Variants in PTCH1 observed in about 807,000 individuals in gnomAD.
PTCH1 encodes protein patched homolog 1.
Under a neutral mutation model 144.6 loss-of-function variants are expected in PTCH1, and 14 were observed. The observed-to-expected ratio is 0.10, with a 90% CI of 0.06 to 0.15. The LOEUF (loss-of-function observed/expected upper bound fraction) is 0.15, where lower values mean the gene tolerates loss of function less well. Ranked by LOEUF, PTCH1 falls within the 10% of genes least tolerant of loss-of-function variation. The pLI is 1.00. For missense variants in PTCH1, 1,623 were observed against 1,948.3 expected (o/e 0.83, Z 3.14); for synonymous variants, 833 against 793.6 (o/e 1.05, Z -0.83).
At position 95,476,953 on chromosome 9, in the gene PTCH1, C is replaced by A. The variant is rs1841092062; in HGVS notation, c.1504-96G>T. 3 of 1,168,830 alleles carry A rather than the reference C, an allele frequency of 2.6e-6. No individual in the cohort carries two copies. Among genetic ancestry groups the A allele is most frequent in the South Asian group, 1.3e-5 (1 of 76,822 alleles). The allele number at this position is 1,168,830 out of a possible 1,614,324, so 72.4% of individuals were successfully genotyped here. A position where few individuals can be genotyped will look rare whatever the true frequency, so the allele number is the denominator to read the frequency against. On this transcript the variant is annotated intron_variant, in intron 10 of 23. Coordinates refer to ENST00000331920, the MANE Select transcript of PTCH1 (RefSeq NM_000264.5). This position sits in a 1 kb window ranked among gnomAD's most constrained non-coding sequence, Gnocchi z 4.6. ...GGACTCTGCCACCAGCACCTAACAG[C>A]TCCTGAAGCAGGGCTTCCGTAACCT...
chr9:95,468,795 C>T lies in PTCH1; in HGVS notation c.2206G>A (p.Ala736Thr). Residue 736 changes from alanine (A) to threonine (T), a missense_variant, in exon 14 of 24, where the codon GCT (alanine) becomes ACT (threonine). Physicochemically the swap from Ala to Thr is moderately conservative, Grantham distance 58. Coordinates refer to ENST00000331920, the MANE Select transcript of PTCH1 (RefSeq NM_000264.5). ...AGGAAAGGAGCATAGTGCTTCTCAG[C>T]AAAAGATGAGAGTGTCCACTTCGTA... The part of the protein sequence containing the change: ...PCTKWTLSSF[A>T]EKHYAPFLLK... The T allele has an allele frequency of 6.2e-7, 1 of 1,614,154 alleles. No individual in the cohort carries two copies. The highest frequency in any genetic ancestry group is 1.6e-4 in the Middle Eastern group (1 of 6,062).
At chr9:95,507,823 G>A in intron 1 of PTCH1, 5 of 805,872 alleles carry the variant, frequency 6.2e-6, no homozygotes, top group South Asian at 1.9e-5. Flanking sequence ...GGGCAGGACA[G>A]TGCCGCGGCC....
intron 16 of PTCH1, chr9:95,460,086 C>T (rs1839333350): frequency 9.2e-6 from 4 of 434,070 alleles, no homozygotes; most frequent in South Asian, 4.2e-5. Context: ...AATGAACAAT[C>T]TGGAGAAACA....
intron 1 of PTCH1, 34 bp from the exon 2 acceptor site, chr9:95,506,633 G>C (rs780812754): frequency 3.7e-5 from 56 of 1,503,570 alleles, no homozygotes; most frequent in Non-Finnish European, 4.9e-5. Flanking sequence ...AGTGAGCGCC[G>C]GGGAGTCGCG....
intron 7 of PTCH1, 34 bp downstream of exon 7, chr9:95,479,935 A>G: frequency 4.3e-6 from 7 of 1,614,196 alleles, no homozygotes; most frequent in Non-Finnish European, 5.1e-6. Context: ...GAAGAAGACT[A>G]CAGGGCATAG....
At chr9:95,486,353 C>A (rs2282042) in intron 2 of PTCH1, among the ~76,000 whole-genome samples, 65,414 of 152,200 alleles carry the variant, frequency 0.43, 15,675 homozygotes, top group African/African-American at 0.65. Context: ...GAAAGGTGGC[C>A]AGTGTGTGTT....
chr9:95,507,271 C>T (rs868088302), intron 1 of PTCH1: 18 of 985,370 alleles, frequency 1.8e-5, no homozygotes, highest in South Asian at 9.4e-5. Flanking sequence ...ATGGATCTTT[C>T]CCTCCTCTCC....
chr9:95,516,593 T>C (rs966914783), exon 1 of PTCH1: 1 of 1,592,828 alleles, frequency 6.3e-7, no homozygotes, highest in African/African-American at 1.4e-5. Flanking sequence ...TCCTCCGTCT[T>C]CTCCCAGTCT....
At chr9:95,463,465 GTTATT>G (rs749921382) in intron 15 of PTCH1, among the ~76,000 whole-genome samples, 1 of 152,168 alleles carries the variant, frequency 6.6e-6, no homozygotes, top group African/African-American at 2.4e-5. Flanking sequence ...CTGAGCAGAT[GTTATT>G]TTATTACTGA....
Position 95,476,076 on chromosome 9 carries a change from G to A in PTCH1, c.1686C>T (p.Ala562=), listed in dbSNP as rs2066836. The change falls in exon 12 of 24, where the codon GCC becomes GCT. Residue 562 remains alanine (A), a synonymous_variant. Coordinates refer to ENST00000331920, the MANE Select transcript of PTCH1 (RefSeq NM_000264.5). This position sits in a 1 kb window ranked among gnomAD's most constrained non-coding sequence, Gnocchi z 4.6. ...GCAGAGCGGGAATTGGGATTAACGC[G>A]GCCATGAAGAAGGCTGTGACATTGC... is the stretch of plus-strand genomic sequence containing the variant. The part of the protein sequence containing the change: ...SISNVTAFFM[A]ALIPIPALRA... 314,190 of 1,613,506 alleles carry A rather than the reference G, an allele frequency of 0.19. 33,080 individuals carry two copies. The highest frequency in any genetic ancestry group is 0.21 in the Non-Finnish European group (253,448 of 1,179,668).
In PTCH1 at chr9:95,508,716, G is replaced by T; in HGVS notation, c.-355C>A. 2.0e-6 allele frequency: 2 copies of T among 986,532 alleles called. No homozygotes were observed. The highest frequency in any genetic ancestry group is 2.4e-6 in the Non-Finnish European group (2 of 830,882). The allele number at this position is 986,532 out of a possible 1,614,324, so 61.1% of individuals were successfully genotyped here. A position where few individuals can be genotyped will look rare whatever the true frequency, so the allele number is the denominator to read the frequency against. On this transcript the variant is annotated 5_prime_UTR_variant, in exon 1 of 24. Transcript: ENST00000331920. ...GAGCCTGTCCTTCGGGCGCTTCCGC[G>T]GCACTCCTTGCGGTCCCCAACTCCC...
intron 12 of PTCH1, among the ~76,000 whole-genome samples, chr9:95,475,713 C>T (rs376386168): frequency 2.0e-5 from 3 of 152,038 alleles, no homozygotes; most frequent in East Asian, 1.9e-4. Flanking sequence ...CTGGCTGCAG[C>T]GCTGGTGACC....
At chr9:95,507,114 G>C (rs1260755335) in intron 1 of PTCH1, 5 of 982,796 alleles carry the variant, frequency 5.1e-6, no homozygotes, top group African/African-American at 3.6e-5. Flanking sequence ...ATGGTAGTAA[G>C]TGGGGATCCA....
chr9:95,468,661 A>G (rs561342613), intron 14 of PTCH1, 90 bp downstream of exon 14: 2 of 1,541,204 alleles, frequency 1.3e-6, no homozygotes, highest in Non-Finnish European at 1.8e-6. Flanking sequence ...TTTTTAAGGA[A>G]AAAGAAGAAA....
chr9:95,501,447 CA>C (rs574932796), intron 2 of PTCH1, among the ~76,000 whole-genome samples: 7 of 151,742 alleles, frequency 4.6e-5, no homozygotes, highest in Non-Finnish European at 8.8e-5. Context: ...AGTTCAAGAA[CA>C]CTGAAAGCAT....
chr9:95,507,380 C>T (rs1441289164), intron 1 of PTCH1: 2 of 985,336 alleles, frequency 2.0e-6, no homozygotes, highest in Middle Eastern at 5.2e-4. Context: ...CGGCGCTGGC[C>T]GCGGCCCCGG....
intron 3 of PTCH1, 102 bp downstream of exon 3, chr9:95,485,583 T>C: frequency 7.0e-7 from 1 of 1,419,274 alleles, no homozygotes; most frequent in Non-Finnish European, 9.8e-7. Context: ...CAGGTGCATT[T>C]CCAGGGCAAC....
chr9:95,469,181 G>A, intron 13 of PTCH1, 28 bp from the exon 14 acceptor site: 1 of 1,613,690 alleles, frequency 6.2e-7, no homozygotes, highest in Non-Finnish European at 8.5e-7. Flanking sequence ...ATGTTGCAAT[G>A]TTATGCTGAA....
At chr9:95,459,952 G>A (rs1441877161) in intron 16 of PTCH1, 169 bp from the exon 17 acceptor site, 5 of 751,504 alleles carry the variant, frequency 6.7e-6, no homozygotes, top group Middle Eastern at 3.5e-4. Context: ...TTCTTTCAAT[G>A]TGCACTTATC....
Sources: gnomAD v4.1 joint callset for allele counts (sites outside exome capture counted in the v4.1 genomes callset) on GRCh38, gnomAD v4.1.1 for gene constraint, Gnocchi (gnomAD v3.1) non-coding constraint, MANE v1.5 for transcripts, NCBI Gene and HGNC (gene_info 2026-07-23, HGNC 2026-07-21) for gene names.